TRAPPC9: variants seen among roughly 807,000 people sequenced by gnomAD.
The protein encoded by TRAPPC9 is IKK2 binding protein.
Under a neutral mutation model 124.0 loss-of-function variants are expected in TRAPPC9, and 83 were observed. The observed-to-expected ratio is 0.67, with a 90% CI of 0.56 to 0.80. The LOEUF is 0.80. TRAPPC9 is among the 30% of genes least tolerant of loss of function. The probability of loss-of-function intolerance (pLI) is 0.00; values close to 1 mark genes in which losing one functional copy is unlikely to be tolerated. For missense variants in TRAPPC9, 1,302 were observed against 1,508.3 expected, an observed-to-expected ratio of 0.86 and a Z score of 2.27; for synonymous variants, 638 against 617.5, an observed-to-expected ratio of 1.03 and a Z score of -0.49.
chr8:139,849,210 G>A (rs1379519010), intron 21 of TRAPPC9, among the ~76,000 whole-genome samples: 1 of 152,224 alleles, frequency 6.6e-6, no homozygotes, highest in Non-Finnish European at 1.5e-5. Flanking sequence ...CCCACTTAGA[G>A]GGCCACAGCC....
intron 15 of TRAPPC9, among the ~76,000 whole-genome samples, chr8:140,266,608 C>T (rs1348454767): frequency 6.6e-6 from 1 of 152,084 alleles, no homozygotes; most frequent in Non-Finnish European, 1.5e-5. Flanking sequence ...CCTGTAATCC[C>T]AGCACTTTGG....
At chr8:139,891,509 C>T (rs1342312225) in intron 20 of TRAPPC9, among the ~76,000 whole-genome samples, 1 of 152,226 alleles carries the variant, frequency 6.6e-6, no homozygotes, top group African/African-American at 2.4e-5. Context: ...CGTGCTCATC[C>T]ACTCAGGCTG....
At chr8:140,184,570 G>A (rs1307316804) in intron 17 of TRAPPC9, among the ~76,000 whole-genome samples, 2 of 152,002 alleles carry the variant, frequency 1.3e-5, no homozygotes. Flanking sequence ...CGAACAGCTG[G>A]GATTACAGGA....
In TRAPPC9 at chr8:139,830,549, A is replaced by G. The variant is rs554114428; in HGVS notation, c.3055+55330T>C. Among the ~76,000 whole-genome samples the G allele has an allele frequency of 2.6e-5, 4 of 151,518 alleles. No individual in the cohort carries two copies. In the East Asian group the frequency reaches 5.8e-4, roughly 22 times the overall value. On this transcript the variant is annotated intron_variant, in intron 21 of 22. Coordinates refer to ENST00000438773, the MANE Select transcript of TRAPPC9 (RefSeq NM_001160372.4). Reference sequence around the variant, plus strand: ...ATATACACACATGCACACACAAACGAGCAAGCACATGCAAATACACATGCA... The same window carrying G: ...ATATACACACATGCACACACAAACGGGCAAGCACATGCAAATACACATGCA...
At chr8:140,096,081 A>T (rs1844925608) in intron 17 of TRAPPC9, 1 of 152,210 alleles carries the variant, frequency 6.6e-6, no homozygotes, top group Non-Finnish European at 1.5e-5. Context: ...CCTCACTTGG[A>T]GGGGGACTCA....
At chr8:139,796,138 A>C (rs1271499611) in intron 21 of TRAPPC9, among the ~76,000 whole-genome samples, 3 of 149,764 alleles carry the variant, frequency 2.0e-5, no homozygotes, top group Non-Finnish European at 4.5e-5. Context: ...GAGGAGAAGG[A>C]GGAGGAAGAG....
rs1220503977 is a variant in TRAPPC9 at position 140,063,543 on chromosome 8, GT to G, written c.2557-39465del. Among the ~76,000 whole-genome samples, 2 of 152,152 alleles carry G rather than the reference GT, an allele frequency of 1.3e-5. No individual in the cohort carries two copies. On this transcript the variant is annotated intron_variant, in intron 17 of 22. Transcript: ENST00000438773. This position sits in a 1 kb window ranked among gnomAD's most constrained non-coding sequence, Gnocchi z 4.3. ...CATAAGAGGCCCAGGAGAAATGTTT[GT>G]TGAATGGATCGGGGAACAGAACAGT...
intron 2 of TRAPPC9, among the ~76,000 whole-genome samples, chr8:140,444,269 GGTTTT>G (rs1243712365): frequency 2.0e-5 from 3 of 151,694 alleles, no homozygotes; most frequent in Admixed American, 6.6e-5. Context: ...TTCATAAGAG[GGTTTT>G]GTTTTGTGTT....
chr8:140,147,499 G>T (rs572350746), intron 17 of TRAPPC9, among the ~76,000 whole-genome samples: 2 of 152,326 alleles, frequency 1.3e-5, no homozygotes, highest in African/African-American at 2.4e-5. Context: ...TGTCAGACAA[G>T]AAGTCCTGTT....
At chr8:139,894,628 A>C (rs1210921073) in intron 20 of TRAPPC9, among the ~76,000 whole-genome samples, 1 of 152,154 alleles carries the variant, frequency 6.6e-6, no homozygotes, top group South Asian at 2.1e-4. Flanking sequence ...TCTTCAGTAA[A>C]AAAGACATCA....
intron 17 of TRAPPC9, among the ~76,000 whole-genome samples, chr8:140,072,880 C>T (rs1563739390): frequency 6.6e-6 from 1 of 151,878 alleles, no homozygotes; most frequent in Non-Finnish European, 1.5e-5. Context: ...TACAAACAAC[C>T]CATAAAATGA....
intron 21 of TRAPPC9, among the ~76,000 whole-genome samples, chr8:139,841,406 G>C (rs79442123): frequency 0.096 from 14,583 of 152,294 alleles, 766 homozygotes; most frequent in Middle Eastern, 0.12. Flanking sequence ...GGGCACAGGA[G>C]CCTGCTGGTG....
intron 19 of TRAPPC9, among the ~76,000 whole-genome samples, chr8:139,919,683 G>C (rs1832385767): frequency 6.6e-6 from 1 of 152,200 alleles, no homozygotes; most frequent in East Asian, 1.9e-4. Flanking sequence ...CTTCACTCAA[G>C]CTAATATCAG....
chr8:140,344,070 G>A (rs1159564867), intron 9 of TRAPPC9, among the ~76,000 whole-genome samples: 1 of 152,124 alleles, frequency 6.6e-6, no homozygotes, highest in East Asian at 1.9e-4. Context: ...AAGGTGATGG[G>A]ATTAAGAGAC....
intron 15 of TRAPPC9, among the ~76,000 whole-genome samples, chr8:140,255,601 G>A (rs2064234359): frequency 6.6e-6 from 1 of 152,222 alleles, no homozygotes; most frequent in Admixed American, 6.5e-5. Context: ...TCGAGAAGCT[G>A]TGGACCGGGC....
intron 20 of TRAPPC9, among the ~76,000 whole-genome samples, chr8:139,894,469 G>A (rs1169971416): frequency 6.6e-6 from 1 of 152,146 alleles, no homozygotes; most frequent in East Asian, 1.9e-4. Context: ...CTGCTGCGGT[G>A]CCCTGAGTGC....
intron 21 of TRAPPC9, among the ~76,000 whole-genome samples, chr8:139,798,650 G>A (rs762204023): frequency 1.3e-5 from 2 of 152,142 alleles, no homozygotes; most frequent in East Asian, 3.8e-4. Context: ...GCGTAAATAC[G>A]GTCCCCTGGG....
At chr8:140,359,938 G>T in intron 9 of TRAPPC9, 112 bp downstream of exon 9, 1 of 1,462,550 alleles carries the variant, frequency 6.8e-7, no homozygotes. Context: ...GAAGAGCTGG[G>T]CAGCATCTTC....
At chr8:140,365,581 C>A (rs1199121332) in intron 8 of TRAPPC9, among the ~76,000 whole-genome samples, 3 of 152,206 alleles carry the variant, frequency 2.0e-5, no homozygotes, top group Non-Finnish European at 4.4e-5. Flanking sequence ...TCTGAATGCA[C>A]CCAGCTCTGA....
Sources: gnomAD v4.1 joint callset for allele counts (sites outside exome capture counted in the v4.1 genomes callset) on GRCh38, gnomAD v4.1.1 for gene constraint, Gnocchi (gnomAD v3.1) non-coding constraint, MANE v1.5 for transcripts, NCBI Gene and HGNC (gene_info 2026-07-23, HGNC 2026-07-21) for gene names.